TRAF5: variants seen among roughly 807,000 people sequenced by gnomAD.
TRAF5 encodes TNF receptor associated factor 5.
Under a neutral mutation model 64.5 loss-of-function variants are expected in TRAF5, and 48 were observed. The ratio of observed to expected loss-of-function variants is 0.74; its 90% CI spans 0.59 to 0.95. TRAF5 has a LOEUF of 0.95. Among genes scored for constraint, TRAF5 ranks in the 40% least tolerant of loss-of-function variants. The pLI is 0.00. For missense variants in TRAF5, 545 were observed against 662.8 expected, an observed-to-expected ratio of 0.82 and a Z score of 1.95; for synonymous variants, 206 against 240.5, an observed-to-expected ratio of 0.86 and a Z score of 1.33.
At chr1:211,372,082 C>CT in intron 10 of TRAF5, 46 bp from the exon 11 acceptor site, 1 of 1,481,750 alleles carries the variant, frequency 6.7e-7, no homozygotes, top group Non-Finnish European at 9.0e-7. Flanking sequence ...TTAAAGATAA[C>CT]TTTTAGGCCT....
At chr1:211,356,217 G>A (rs1702958062) in intron 3 of TRAF5, 150 bp from the exon 4 acceptor site, 2 of 565,798 alleles carry the variant, frequency 3.5e-6, no homozygotes, top group Admixed American at 3.1e-5. Context: ...TTCTTTCAGT[G>A]TGGTGTAAGT....
chr1:211,363,395 T>TA (rs1360947542), intron 7 of TRAF5, among the ~76,000 whole-genome samples: 1 of 152,198 alleles, frequency 6.6e-6, no homozygotes, highest in East Asian at 1.9e-4. Flanking sequence ...AAAAATGAGA[T>TA]ATATGTAAAA....
intron 1 of TRAF5, among the ~76,000 whole-genome samples, chr1:211,343,169 G>A (rs1027304542): frequency 6.6e-6 from 1 of 152,164 alleles, no homozygotes; most frequent in Admixed American, 6.5e-5. Flanking sequence ...TCGTTTTACA[G>A]ATGAGGAAAC....
rs1702855907 is a variant in TRAF5 at position 211,353,357 on chromosome 1, G to C, written c.118G>C (p.Glu40Gln). The C allele has an allele frequency of 1.2e-6, 2 of 1,614,198 alleles. No homozygotes were observed. Among genetic ancestry groups the C allele is most frequent in the East Asian group, 4.5e-5 (2 of 44,882 alleles). Residue 40 changes from glutamate (E) to glutamine (Q), a missense_variant, in exon 2 of 11, where the codon GAA becomes CAA. Physicochemically the swap from Glu to Gln is conservative, Grantham distance 29. Coordinates refer to ENST00000261464, the MANE Select transcript of TRAF5 (RefSeq NM_001033910.3). ...AGAGTACCAGTTTGTGGAGCGGTTG[G>C]AAGAGCGCTACAAATGTGCCTTCTG... is the stretch of plus-strand genomic sequence containing the variant. ...SIEYQFVERLEERYKCAFCHS... is the reference protein window; with the variant it reads ...SIEYQFVERLQERYKCAFCHS...
rs1309820658 is a variant in TRAF5, at chr1:211,372,270, G to C, written c.1242G>C (p.Lys414Asn). ...GKLIWKVTDY[K>N]MKKREAVDGH... ...TCATTTGGAAGGTGACAGATTACAA[G>C]ATGAAGAAGAGAGAGGCGGTGGATG... is the stretch of plus-strand genomic sequence containing the variant. Residue 414 changes from lysine to asparagine, a missense_variant, in exon 11 of 11, where the codon AAG becomes AAC. Physicochemically the swap from Lys to Asn is moderately conservative, Grantham distance 94 (BLOSUM62 0). Transcript: ENST00000261464. The C allele has an allele frequency of 3.7e-6, 6 of 1,614,030 alleles. No homozygotes were observed. Among genetic ancestry groups the C allele is most frequent in the Non-Finnish European group, 5.1e-6 (6 of 1,180,030 alleles).
chr1:211,354,313 C>A, intron 2 of TRAF5, 97 bp from the exon 3 acceptor site: 1 of 1,183,692 alleles, frequency 8.4e-7, no homozygotes, highest in Non-Finnish European at 1.2e-6. Flanking sequence ...GACCAGCCTG[C>A]CCAGGGCTAG....
chr1:211,354,106 G>A (rs1293928299), intron 2 of TRAF5, among the ~76,000 whole-genome samples: 2 of 152,218 alleles, frequency 1.3e-5, no homozygotes, highest in Non-Finnish European at 1.5e-5. Context: ...CCTCTAGAAT[G>A]TCCCAGTCTA....
intron 1 of TRAF5, among the ~76,000 whole-genome samples, chr1:211,350,188 C>G (rs1450940822): frequency 1.3e-5 from 2 of 151,406 alleles, no homozygotes; most frequent in Non-Finnish European, 2.9e-5. Context: ...GAGCTTTGGT[C>G]TCAAACCCCA....
intron 4 of TRAF5, chr1:211,357,510 G>A (rs1230628162): frequency 6.6e-6 from 1 of 152,176 alleles, no homozygotes; most frequent in Admixed American, 6.5e-5. Flanking sequence ...CAGCTTTAGT[G>A]ACCAAAACTG....
chr1:211,363,234 A>G (rs1451267881), intron 7 of TRAF5, among the ~76,000 whole-genome samples: 3 of 152,236 alleles, frequency 2.0e-5, no homozygotes, highest in Non-Finnish European at 4.4e-5. Flanking sequence ...GTGATTTCAC[A>G]TACACAAAGA....
At chr1:211,348,870 A>C (rs565019293) in intron 1 of TRAF5, among the ~76,000 whole-genome samples, 86 of 152,070 alleles carry the variant, frequency 5.7e-4, no homozygotes, top group African/African-American at 2.0e-3. Context: ...GGTAGTGTCC[A>C]TCCTATGGAT....
chr1:211,326,791 C>T, upstream of TRAF5: 2 of 984,318 alleles, frequency 2.0e-6, no homozygotes, highest in Non-Finnish European at 2.4e-6. This position sits in a 1 kb window ranked among gnomAD's most constrained non-coding sequence, Gnocchi z 5.0. Flanking sequence ...CGGCCCCGCC[C>T]CAGGCCTCGC....
At chr1:211,371,621 G>A in intron 10 of TRAF5, 151 bp downstream of exon 10, 1 of 859,804 alleles carries the variant, frequency 1.2e-6, no homozygotes, top group Non-Finnish European at 1.7e-6. Flanking sequence ...GTAAGATTCT[G>A]GCCACTCAGG....
At chr1:211,343,973 C>T (rs1012158910) in intron 1 of TRAF5, among the ~76,000 whole-genome samples, 1 of 152,158 alleles carries the variant, frequency 6.6e-6, no homozygotes, top group African/African-American at 2.4e-5. Context: ...GTGGGAAGAT[C>T]AGTAGAGCTT....
At chr1:211,355,359 T>C (rs940787704) in intron 3 of TRAF5, among the ~76,000 whole-genome samples, 2 of 152,176 alleles carry the variant, frequency 1.3e-5, no homozygotes, top group Non-Finnish European at 2.9e-5. Flanking sequence ...TTTCTTTTTT[T>C]GGTTGCTTGT....
intron 4 of TRAF5, chr1:211,358,354 T>A (rs2102752181): frequency 6.6e-6 from 1 of 152,116 alleles, no homozygotes; most frequent in South Asian, 2.1e-4. Context: ...CTGGTGTCTG[T>A]AATCCCAGCT....
chr1:211,329,378 A>G (rs147531732), intron 1 of TRAF5, among the ~76,000 whole-genome samples: 7 of 152,330 alleles, frequency 4.6e-5, no homozygotes, highest in South Asian at 2.1e-4. Context: ...AGAAATTAGA[A>G]TAACACTGTA....
Position 211,356,629 on chromosome 1 carries a change from G to T in TRAF5, c.378+161G>T, listed in dbSNP as rs943729045. 6.5e-6 allele frequency: 4 copies of T among 613,066 alleles called. No individual in the cohort carries two copies. In the South Asian group the frequency reaches 7.7e-5, roughly 12 times the overall value. 38.0% of individuals were successfully genotyped at this position (613,066 alleles called of 1,614,324 possible). A position where few individuals can be genotyped will look rare whatever the true frequency, so the allele number is the denominator to read the frequency against. On this transcript the variant is annotated intron_variant, in intron 4 of 10. Transcript: ENST00000261464. ...CAATACAGGTGGCTACAGTGCTGTAGCCCACCTACGGCTGAGGTGTGAGTG... is the reference window on the plus strand; with the variant it reads ...CAATACAGGTGGCTACAGTGCTGTATCCCACCTACGGCTGAGGTGTGAGTG...
chr1:211,356,301 T>C (rs767310131), intron 3 of TRAF5, 66 bp from the exon 4 acceptor site: 11 of 1,381,654 alleles, frequency 8.0e-6, no homozygotes, highest in Non-Finnish European at 1.0e-5. Flanking sequence ...ACCAAATTAG[T>C]AATAGCTTAA....
Sources: allele counts gnomAD v4.1 joint callset (sites outside exome capture counted in the v4.1 genomes callset), GRCh38; gene constraint gnomAD v4.1.1; non-coding constraint Gnocchi (gnomAD v3.1); transcripts MANE v1.5; gene names NCBI Gene and HGNC (gene_info 2026-07-23, HGNC 2026-07-21).